The following TRHDE variants were observed in gnomAD, a reference collection of about 807,000 sequenced individuals.
The protein encoded by TRHDE is thyrotropin-releasing hormone-degrading ectoenzyme.
TRHDE carries 72 observed loss-of-function variants against 125.7 expected under a neutral mutation model. That is an observed-to-expected ratio of 0.57 (90% confidence interval 0.47 to 0.70). The LOEUF (loss-of-function observed/expected upper bound fraction) is 0.70. Ranked by LOEUF, TRHDE falls within the 30% of genes least tolerant of loss-of-function variation. TRHDE has a pLI of 0.00. For missense variants in TRHDE, 1,110 were observed against 1,327.1 expected (o/e 0.84, Z 2.54); for synonymous variants, 509 against 509.1 (o/e 1.00, Z 0.00).
intron 2 of TRHDE, among the ~76,000 whole-genome samples, chr12:72,342,391 G>C (rs977016643): frequency 1.3e-5 from 2 of 152,018 alleles, no homozygotes; most frequent in African/African-American, 4.8e-5. Context: ...TTAGAAAACA[G>C]AATGGGTTTT....
At chr12:72,342,183 C>T (rs1178103559) in intron 2 of TRHDE, among the ~76,000 whole-genome samples, 1 of 152,078 alleles carries the variant, frequency 6.6e-6, no homozygotes, top group Non-Finnish European at 1.5e-5. Flanking sequence ...ATTCTATTCA[C>T]TCATTTTTAT....
At chr12:72,512,567 AATATATAATCATATAATAATC>A (rs1391302320) in intron 6 of TRHDE, among the ~76,000 whole-genome samples, 2 of 140,492 alleles carry the variant, frequency 1.4e-5, no homozygotes, top group Non-Finnish European at 3.1e-5. Context: ...TATATAATAT[AATATATAATCATATAATAATC>A]ATATATAATC....
At chr12:72,274,029 T>G in intron 1 of TRHDE, 1 of 160,108 alleles carries the variant, frequency 6.2e-6, no homozygotes. Context: ...ACCCACAACA[T>G]GCCCATCTTC....
chr12:72,380,742 C>CCTTCCTTG (rs1872115319), intron 3 of TRHDE, among the ~76,000 whole-genome samples: 1 of 95,936 alleles, frequency 1.0e-5, no homozygotes, highest in South Asian at 3.2e-4. Context: ...TTGCTTCCTT[C>CCTTCCTTG]CTTCCTTCCT....
chr12:72,138,977 G>A (rs1272831976), intron 2 of TRHDE, among the ~76,000 whole-genome samples: 1 of 152,166 alleles, frequency 6.6e-6, no homozygotes, highest in Admixed American at 6.5e-5. Flanking sequence ...TATAAAAAAG[G>A]GGTATCTCAA....
In TRHDE at chr12:72,621,156, C is replaced by T. The variant is rs1255428794; in HGVS notation, c.2518C>T (p.Pro840Ser). 6.2e-7 allele frequency: 1 copy of T among 1,612,192 alleles called. No individual in the cohort carries two copies. Residue 840 changes from proline (P) to serine (S), a missense_variant, in exon 14 of 19, where the codon CCG becomes TCG. Coordinates refer to ENST00000261180, the MANE Select transcript of TRHDE (RefSeq NM_013381.3). ...AACAACATATATCAAGCTTGGGTGG[C>T]CGAAAAATAATTTTAATGGATCTCT... ...VATTYIKLGWPKNNFNGSLVQ... is the reference protein window; with the variant it reads ...VATTYIKLGWSKNNFNGSLVQ...
intron 2 of TRHDE, among the ~76,000 whole-genome samples, chr12:72,245,810 A>C (rs184240666): frequency 6.6e-6 from 1 of 152,198 alleles, no homozygotes; most frequent in Non-Finnish European, 1.5e-5. Context: ...TTCCCACATC[A>C]TATTCCTCTA....
intron 2 of TRHDE, among the ~76,000 whole-genome samples, chr12:72,318,097 T>A (rs937718785): frequency 2.0e-5 from 3 of 152,182 alleles, no homozygotes; most frequent in Non-Finnish European, 2.9e-5. Flanking sequence ...CAGTAACACA[T>A]CTTTAATTGT....
chr12:72,367,110 T>A (rs1353361016), intron 2 of TRHDE, among the ~76,000 whole-genome samples: 3 of 152,090 alleles, frequency 2.0e-5, no homozygotes. Flanking sequence ...CATCACCAAT[T>A]GTAAATTCTC....
intron 12 of TRHDE, among the ~76,000 whole-genome samples, chr12:72,591,738 G>A (rs1268354433): frequency 6.9e-6 from 1 of 144,978 alleles, no homozygotes; most frequent in Non-Finnish European, 1.5e-5. Context: ...TTTTGGTCTT[G>A]AAGAATTTTT....
At chr12:72,168,745 T>C (rs551858913) in intron 2 of TRHDE, among the ~76,000 whole-genome samples, 1 of 152,304 alleles carries the variant, frequency 6.6e-6, no homozygotes, top group African/African-American at 2.4e-5. Context: ...CCACTTCCAA[T>C]CATGTCATGC....
At chr12:72,397,265 T>C (rs1872836660) in intron 3 of TRHDE, among the ~76,000 whole-genome samples, 1 of 152,234 alleles carries the variant, frequency 6.6e-6, no homozygotes, top group African/African-American at 2.4e-5. Context: ...AATAATCTCA[T>C]GTTTTACTAA....
chr12:72,367,079 A>C (rs1429846710), intron 2 of TRHDE, among the ~76,000 whole-genome samples: 1 of 152,048 alleles, frequency 6.6e-6, no homozygotes, highest in Non-Finnish European at 1.5e-5. Context: ...CCTTCTTAGC[A>C]CTGAGATTTT....
At chr12:72,173,690 G>C (rs1876926715) in intron 2 of TRHDE, among the ~76,000 whole-genome samples, 1 of 152,032 alleles carries the variant, frequency 6.6e-6, no homozygotes, top group Admixed American at 6.6e-5. Context: ...TACAAGAATG[G>C]GACAAAAAAG....
chr12:72,235,178 G>A (rs982537823), intron 2 of TRHDE, among the ~76,000 whole-genome samples: 4 of 152,110 alleles, frequency 2.6e-5, no homozygotes, highest in African/African-American at 9.7e-5. Context: ...TGGCAGAAGC[G>A]ACAAATATAG....
intron 2 of TRHDE, among the ~76,000 whole-genome samples, chr12:72,142,233 T>C (rs190714852): frequency 6.6e-6 from 1 of 152,294 alleles, no homozygotes; most frequent in East Asian, 1.9e-4. Flanking sequence ...AGTCCCAGGA[T>C]CAAGGTTAAA....
At chr12:72,517,444 A>G (rs1878933695) in intron 6 of TRHDE, among the ~76,000 whole-genome samples, 1 of 152,032 alleles carries the variant, frequency 6.6e-6, no homozygotes, top group Non-Finnish European at 1.5e-5. Flanking sequence ...AGGTGTTTGT[A>G]GTATTCTCTG....
chr12:72,167,593 C>G (rs1168637111), intron 2 of TRHDE: 15 of 152,126 alleles, frequency 9.9e-5, no homozygotes, highest in Admixed American at 7.9e-4. Context: ...TAATACCAAT[C>G]CAGAAGCAGT....
At chr12:72,134,607 G>T (rs189379611) in intron 2 of TRHDE, among the ~76,000 whole-genome samples, 52 of 151,990 alleles carry the variant, frequency 3.4e-4, no homozygotes, top group African/African-American at 1.1e-3. Context: ...TCTTCAAATT[G>T]TATAAGCTGT....
Sources: allele counts gnomAD v4.1 joint callset (sites outside exome capture counted in the v4.1 genomes callset), GRCh38; gene constraint gnomAD v4.1.1; transcripts MANE v1.5; gene names NCBI Gene and HGNC (gene_info 2026-07-23, HGNC 2026-07-21).